SYK: variants seen among roughly 807,000 people sequenced by gnomAD.
SYK encodes the protein tyrosine-protein kinase SYK.
Under a neutral mutation model 77.8 loss-of-function variants are expected in SYK, and 16 were observed. The observed-to-expected ratio is 0.21, with a 90% CI of 0.14 to 0.31. SYK has a LOEUF of 0.31. Among genes scored for constraint, SYK ranks in the 10% least tolerant of loss-of-function variants. The probability of loss-of-function intolerance (pLI) is 1.00; values close to 1 mark genes in which losing one functional copy is unlikely to be tolerated. For synonymous variants in SYK, 312 were observed against 308.7 expected (o/e 1.01, Z -0.11); for missense variants, 529 against 814.4 (o/e 0.65, Z 4.26).
chr9:90,854,725 A>G (rs1008340723), intron 3 of SYK, among the ~76,000 whole-genome samples: 2 of 151,580 alleles, frequency 1.3e-5, no homozygotes, highest in Non-Finnish European at 2.9e-5. Flanking sequence ...CCCCTTCCCA[A>G]CCCCCATGCC....
At chr9:90,811,347 T>C (rs1825063804) in intron 1 of SYK, among the ~76,000 whole-genome samples, 1 of 152,202 alleles carries the variant, frequency 6.6e-6, no homozygotes, top group African/African-American at 2.4e-5. Context: ...TTTGGTAATA[T>C]CTTTTAAAAT....
At chr9:90,862,612 A>C (rs1305896783) in intron 4 of SYK, among the ~76,000 whole-genome samples, 1 of 152,188 alleles carries the variant, frequency 6.6e-6, no homozygotes, top group East Asian at 1.9e-4. Flanking sequence ...TGTGAGGTGA[A>C]CGAAGGTTCC....
intron 1 of SYK, among the ~76,000 whole-genome samples, chr9:90,825,570 G>T (rs1052941429): frequency 6.6e-6 from 1 of 152,232 alleles, no homozygotes; most frequent in African/African-American, 2.4e-5. Context: ...CAAAACAGTG[G>T]TCAGTGGTAC....
At chr9:90,864,877 T>G (rs1827417961) in intron 5 of SYK, among the ~76,000 whole-genome samples, 171 bp from the exon 6 acceptor site, 1 of 152,200 alleles carries the variant, frequency 6.6e-6, no homozygotes, top group Non-Finnish European at 1.5e-5. Flanking sequence ...TTTATTTGTC[T>G]TCATTGCATG....
intron 1 of SYK, among the ~76,000 whole-genome samples, chr9:90,802,449 T>G (rs73503932): frequency 0.014 from 2,091 of 152,268 alleles, 49 homozygotes; most frequent in African/African-American, 0.048. Flanking sequence ...CTACTAAAAT[T>G]TAGCATAATT....
At chr9:90,832,247 A>G (rs1030925166) in intron 1 of SYK, among the ~76,000 whole-genome samples, 4 of 152,268 alleles carry the variant, frequency 2.6e-5, no homozygotes, top group African/African-American at 9.6e-5. Context: ...TGTTTCATGC[A>G]TAAGATGGAA....
At chr9:90,835,971 A>G (rs1826067008) in intron 1 of SYK, among the ~76,000 whole-genome samples, 1 of 152,230 alleles carries the variant, frequency 6.6e-6, no homozygotes, top group Non-Finnish European at 1.5e-5. Flanking sequence ...AAAAACTTGC[A>G]GATGAACTCC....
chr9:90,828,245 C>G (rs1825743297), intron 1 of SYK, among the ~76,000 whole-genome samples: 1 of 118,764 alleles, frequency 8.4e-6, no homozygotes, highest in Admixed American at 7.8e-5. Context: ...GCCCCCCCCC[C>G]CGCCCCGCCC....
chr9:90,886,150 A>G (rs1283179939), intron 11 of SYK, among the ~76,000 whole-genome samples: 1 of 152,234 alleles, frequency 6.6e-6, no homozygotes, highest in Non-Finnish European at 1.5e-5. Context: ...TGGGCTAAGA[A>G]CATAGATAGA....
At chr9:90,874,386 G>T in intron 8 of SYK, 95 bp downstream of exon 8, 1 of 1,251,042 alleles carries the variant, frequency 8.0e-7, no homozygotes, top group Non-Finnish European at 1.2e-6. Context: ...CACCACGTCC[G>T]TGATTGCAAT....
chr9:90,836,386 C>T (rs1386738742), intron 1 of SYK, among the ~76,000 whole-genome samples: 1 of 151,446 alleles, frequency 6.6e-6, no homozygotes, highest in Non-Finnish European at 1.5e-5. Flanking sequence ...ATGTGTACAA[C>T]TCTATTATTA....
chr9:90,889,270 T>C (rs937940336), intron 13 of SYK, among the ~76,000 whole-genome samples: 2 of 152,208 alleles, frequency 1.3e-5, no homozygotes, highest in African/African-American at 4.8e-5. Context: ...GAGTACAGTT[T>C]TGCCAGGCTC....
At chr9:90,870,800 T>C (rs1827701296) in intron 7 of SYK, among the ~76,000 whole-genome samples, 1 of 152,208 alleles carries the variant, frequency 6.6e-6, no homozygotes, top group Admixed American at 6.5e-5. Context: ...CAGCTGGCTC[T>C]TTTGTCACTA....
intron 6 of SYK, among the ~76,000 whole-genome samples, 181 bp from the exon 7 acceptor site, chr9:90,866,950 G>A (rs1238784730): frequency 1.3e-5 from 2 of 152,156 alleles, no homozygotes; most frequent in East Asian, 3.9e-4. Context: ...TTCCCAAGTG[G>A]CAGGCCCTTC....
intron 1 of SYK, among the ~76,000 whole-genome samples, chr9:90,805,999 A>G (rs1036414116): frequency 2.6e-5 from 4 of 152,220 alleles, no homozygotes; most frequent in Non-Finnish European, 4.4e-5. Flanking sequence ...CAGGATAATT[A>G]TTCTCTCATT....
chr9:90,807,690 G>A (rs145791414), intron 1 of SYK, among the ~76,000 whole-genome samples: 161 of 152,328 alleles, frequency 1.1e-3, no homozygotes, highest in African/African-American at 3.8e-3. Context: ...CAAGATGGGA[G>A]AACTTTCTAA....
intron 1 of SYK, among the ~76,000 whole-genome samples, chr9:90,832,251 G>C (rs956743571): frequency 4.6e-5 from 7 of 152,216 alleles, no homozygotes; most frequent in African/African-American, 1.4e-4. Context: ...TCATGCATAA[G>C]ATGGAAAGAG....
At chr9:90,820,882 C>G (rs1246905305) in intron 1 of SYK, among the ~76,000 whole-genome samples, 1 of 149,600 alleles carries the variant, frequency 6.7e-6, no homozygotes, top group Non-Finnish European at 1.5e-5. Context: ...TTTAATAAAA[C>G]TGAATGACTT....
At chr9:90,823,135 C>T (rs1021342978) in intron 1 of SYK, among the ~76,000 whole-genome samples, 2 of 152,196 alleles carry the variant, frequency 1.3e-5, no homozygotes, top group Admixed American at 6.5e-5. Context: ...ACAAAAAACT[C>T]ATAGTCAACA....
Sources: allele counts gnomAD v4.1 joint callset (sites outside exome capture counted in the v4.1 genomes callset), GRCh38; gene constraint gnomAD v4.1.1; transcripts MANE v1.5; gene names NCBI Gene and HGNC (gene_info 2026-07-23, HGNC 2026-07-21).